SGCD: variants seen among roughly 807,000 people sequenced by gnomAD.
SGCD encodes delta-sarcoglycan.
SGCD carries 18 observed loss-of-function variants against 36.6 expected under a neutral mutation model. The observed-to-expected ratio is 0.49, with a 90% CI of 0.34 to 0.73. The LOEUF (loss-of-function observed/expected upper bound fraction) is 0.73. Ranked by LOEUF, SGCD falls within the 30% of genes least tolerant of loss-of-function variation. The probability of loss-of-function intolerance (pLI) is 0.01; values close to 1 mark genes in which losing one functional copy is unlikely to be tolerated. For missense variants in SGCD, 387 were observed against 346.7 expected, an observed-to-expected ratio of 1.12 and a Z score of -0.92; for synonymous variants, 133 against 130.6, an observed-to-expected ratio of 1.02 and a Z score of -0.12.
chr5:156,437,320 G>T (rs1322273066), intron 3 of SGCD, among the ~76,000 whole-genome samples: 1 of 152,054 alleles, frequency 6.6e-6, no homozygotes, highest in Admixed American at 6.6e-5. Flanking sequence ...CTTCAAAGGG[G>T]AGTATTCATA....
rs759779918 is a variant in SGCD at position 156,402,408 on chromosome 5, C to G, written c.192+57731C>G. Among the ~76,000 whole-genome samples, 97 of 152,342 alleles carry G rather than the reference C, an allele frequency of 6.4e-4. 1 individual carries two copies. The highest frequency in any genetic ancestry group is 6.8e-3 in the Middle Eastern group (2 of 294). On this transcript the variant is annotated intron_variant, in intron 3 of 8. Coordinates refer to ENST00000337851, the MANE Select transcript of SGCD (RefSeq NM_000337.6). ...GCAATTTTTTGCAAAAGAGAATGCA[C>G]ACTCTGAAGGTTACGTGCAAAAGAG... is the stretch of plus-strand genomic sequence containing the variant.
chr5:155,888,711 C>A (rs544150316), intron 1 of SGCD, among the ~76,000 whole-genome samples: 1 of 152,108 alleles, frequency 6.6e-6, no homozygotes, highest in Non-Finnish European at 1.5e-5. Context: ...ATGTTTCTTT[C>A]TTAGAAGTAA....
At chr5:156,704,394 G>C (rs1754656754) in intron 7 of SGCD, 2 of 152,146 alleles carry the variant, frequency 1.3e-5, no homozygotes. Flanking sequence ...AGGGAGTCTA[G>C]TGCTTAGATT....
At chr5:156,011,398 T>C (rs1447563215) in intron 1 of SGCD, among the ~76,000 whole-genome samples, 1 of 152,144 alleles carries the variant, frequency 6.6e-6, no homozygotes, top group Non-Finnish European at 1.5e-5. Flanking sequence ...TTGGGTTTTC[T>C]AGACTTGGTA....
intron 3 of SGCD, among the ~76,000 whole-genome samples, chr5:156,180,933 T>C (rs1763591936): frequency 6.6e-6 from 1 of 152,354 alleles, no homozygotes; most frequent in South Asian, 2.1e-4. Flanking sequence ...ATGATGACTC[T>C]GTCTCTTCTC....
chr5:156,351,538 A>G (rs1769254180), intron 3 of SGCD, among the ~76,000 whole-genome samples: 1 of 152,088 alleles, frequency 6.6e-6, no homozygotes, highest in Non-Finnish European at 1.5e-5. Context: ...AGAGGAGGTG[A>G]TAAATGCATT....
At chr5:156,043,958 T>A (rs1409662542) in intron 1 of SGCD, among the ~76,000 whole-genome samples, 3 of 152,110 alleles carry the variant, frequency 2.0e-5, no homozygotes, top group African/African-American at 4.8e-5. Flanking sequence ...AGAATTTTTT[T>A]AAAAGACTCT....
chr5:155,732,222 A>G, the SGCD span, among the ~76,000 whole-genome samples: 1 of 152,224 alleles, frequency 6.6e-6, no homozygotes, highest in Non-Finnish European at 1.5e-5. Flanking sequence ...TGCCACAGGC[A>G]CTGTTATTAT....
At chr5:156,516,969 GC>G (rs1757204038) in intron 4 of SGCD, among the ~76,000 whole-genome samples, 1 of 152,290 alleles carries the variant, frequency 6.6e-6, no homozygotes, top group South Asian at 2.1e-4. Context: ...CTGTACTCTA[GC>G]CTGTGTGACA....
the SGCD span, among the ~76,000 whole-genome samples, chr5:155,728,289 T>C: frequency 6.7e-6 from 1 of 149,730 alleles, no homozygotes; most frequent in Non-Finnish European, 1.5e-5. Context: ...CTGCCGCTGC[T>C]GCCGCTGCCG....
At chr5:156,417,008 A>G (rs993090298) in intron 3 of SGCD, among the ~76,000 whole-genome samples, 6 of 152,088 alleles carry the variant, frequency 3.9e-5, no homozygotes, top group Admixed American at 6.6e-5. Flanking sequence ...ATATTCTTAG[A>G]TTTTCTTTGC....
chr5:156,249,045 T>C (rs1765510445), intron 3 of SGCD, among the ~76,000 whole-genome samples: 1 of 152,226 alleles, frequency 6.6e-6, no homozygotes, highest in Admixed American at 6.5e-5. Flanking sequence ...TTTGAGACAC[T>C]AAATTAAAGA....
At chr5:156,375,569 A>G (rs1770616777) in intron 3 of SGCD, among the ~76,000 whole-genome samples, 1 of 152,160 alleles carries the variant, frequency 6.6e-6, no homozygotes, top group Non-Finnish European at 1.5e-5. Context: ...GATCATTTCC[A>G]AAGTGTGCCC....
At chr5:156,670,915 T>C (rs1360137570) in intron 7 of SGCD, among the ~76,000 whole-genome samples, 1 of 152,152 alleles carries the variant, frequency 6.6e-6, no homozygotes, top group African/African-American at 2.4e-5. Context: ...ATCTTAGCCA[T>C]TGGTCGAGTC....
chr5:155,996,752 C>A (rs1758552732), intron 1 of SGCD, among the ~76,000 whole-genome samples: 1 of 145,414 alleles, frequency 6.9e-6, no homozygotes. Context: ...GCACTCCAGC[C>A]TGTGTGACAG....
In SGCD at chr5:156,538,869, A is replaced by G. The variant is rs919891870; in HGVS notation, c.294+30167A>G. Among the ~76,000 whole-genome samples the G allele has an allele frequency of 1.1e-4, 16 of 152,190 alleles. No homozygotes were observed. The East Asian group carries it at 3.1e-3, about 29-fold the overall frequency. ...TTCAAAATTTCTTTGTTCCAGTATT[A>G]ATTCCTTCTCAGGCAATTCCTAGTT... On this transcript the variant is annotated intron_variant, in intron 4 of 8. Coordinates refer to ENST00000337851, the MANE Select transcript of SGCD (RefSeq NM_000337.6).
chr5:156,604,598 A>G (rs76657545), intron 6 of SGCD, among the ~76,000 whole-genome samples: 8,647 of 151,664 alleles, frequency 0.057, 831 homozygotes, highest in African/African-American at 0.2. Flanking sequence ...GTCACATGAG[A>G]AATACTCTAG....
intron 1 of SGCD, among the ~76,000 whole-genome samples, chr5:156,108,161 A>G (rs1240845075): frequency 6.6e-6 from 1 of 152,160 alleles, no homozygotes; most frequent in Non-Finnish European, 1.5e-5. Context: ...TTTATGCCAG[A>G]AAACCAGAGT....
chr5:156,349,576 A>G (rs1561637408), intron 3 of SGCD, among the ~76,000 whole-genome samples: 1 of 152,020 alleles, frequency 6.6e-6, no homozygotes, highest in Non-Finnish European at 1.5e-5. Context: ...ATGGCTATTA[A>G]TAAAAATTAA....
Sources: gnomAD v4.1 joint callset for allele counts (sites outside exome capture counted in the v4.1 genomes callset) on GRCh38, gnomAD v4.1.1 for gene constraint, MANE v1.5 for transcripts, NCBI Gene and HGNC (gene_info 2026-07-23, HGNC 2026-07-21) for gene names.